Variants in KCNIP4 observed in about 807,000 individuals in gnomAD.
KCNIP4 encodes Kv channel-interacting protein 4.
Under a neutral mutation model 34.0 loss-of-function variants are expected in KCNIP4, and 12 were observed. The ratio of observed to expected loss-of-function variants is 0.35; its 90% CI spans 0.23 to 0.57. The LOEUF (loss-of-function observed/expected upper bound fraction) is 0.57, where lower values mean the gene tolerates loss of function less well. Among genes scored for constraint, KCNIP4 ranks in the 20% least tolerant of loss-of-function variants. KCNIP4 has a pLI of 0.83. For missense variants in KCNIP4, 238 were observed against 311.7 expected, an observed-to-expected ratio of 0.76 and a Z score of 1.78; for synonymous variants, 124 against 102.2, an observed-to-expected ratio of 1.21 and a Z score of -1.29.
At chr4:21,679,204 G>A (rs1455246185) in intron 1 of KCNIP4, among the ~76,000 whole-genome samples, 1 of 152,156 alleles carries the variant, frequency 6.6e-6, no homozygotes, top group African/African-American at 2.4e-5. Flanking sequence ...TTAAACAAAT[G>A]CACACTCTAA....
chr4:21,602,274 A>G (rs1445320526), intron 1 of KCNIP4, among the ~76,000 whole-genome samples: 2 of 152,168 alleles, frequency 1.3e-5, no homozygotes, highest in African/African-American at 2.4e-5. Context: ...AAACTGTTTC[A>G]TAACTATTTG....
At chr4:21,271,557 A>G (rs1762143878) in intron 1 of KCNIP4, among the ~76,000 whole-genome samples, 1 of 152,138 alleles carries the variant, frequency 6.6e-6, no homozygotes, top group African/African-American at 2.4e-5. Flanking sequence ...TGTTGTCCAA[A>G]GGTCTGATGG....
At chr4:21,545,881 T>A (rs563884679) in intron 1 of KCNIP4, among the ~76,000 whole-genome samples, 1 of 152,124 alleles carries the variant, frequency 6.6e-6, no homozygotes, top group Non-Finnish European at 1.5e-5. Flanking sequence ...TGATTTATAA[T>A]CTCTAAGGTA....
At position 21,514,948 on chromosome 4, in the gene KCNIP4, T is replaced by C. The variant is rs116585064; in HGVS notation, c.61+433623A>G. ...ACTCATTCATACTTTCTTACTTCTA[T>C]CCTAAACATGACCTATGAAGTCCAT... is the stretch of plus-strand genomic sequence containing the variant. On this transcript the variant is annotated intron_variant, in intron 1 of 8. Coordinates refer to ENST00000382152, the MANE Select transcript of KCNIP4 (RefSeq NM_025221.6). Among the ~76,000 whole-genome samples, 146 of 152,326 alleles carry C rather than the reference T, an allele frequency of 9.6e-4. 1 individual carries two copies. The highest frequency in any genetic ancestry group is 3.3e-3 in the African/African-American group (139 of 41,578).
At chr4:21,219,130 C>A (rs989002346) in intron 1 of KCNIP4, among the ~76,000 whole-genome samples, 1 of 152,128 alleles carries the variant, frequency 6.6e-6, no homozygotes, top group Non-Finnish European at 1.5e-5. Flanking sequence ...TGCAACCCAG[C>A]AAACCCAGCA....
At chr4:21,256,604 GA>G (rs974793143) in intron 1 of KCNIP4, among the ~76,000 whole-genome samples, 1 of 151,284 alleles carries the variant, frequency 6.6e-6, no homozygotes, top group African/African-American at 2.4e-5. Context: ...CTCAAGAAAA[GA>G]AAAAAAAGAG....
chr4:21,250,502 T>A (rs1198663467), intron 1 of KCNIP4, among the ~76,000 whole-genome samples: 11 of 152,188 alleles, frequency 7.2e-5, no homozygotes, highest in Non-Finnish European at 1.3e-4. Flanking sequence ...TGAATTTTCC[T>A]CTGGTTTTCC....
chr4:20,817,345 G>A (rs1193717819), intron 3 of KCNIP4, among the ~76,000 whole-genome samples: 4 of 152,058 alleles, frequency 2.6e-5, no homozygotes, highest in African/African-American at 4.8e-5. Flanking sequence ...CTCTGGCTCC[G>A]ATGTCCTTTT....
intron 1 of KCNIP4, among the ~76,000 whole-genome samples, chr4:21,875,453 G>A (rs113752644): frequency 7.9e-5 from 12 of 152,096 alleles, no homozygotes; most frequent in African/African-American, 2.2e-4. Context: ...GCTTTTCTAC[G>A]TTGAAATAGT....
At chr4:21,014,719 C>T (rs189495840) in intron 1 of KCNIP4, among the ~76,000 whole-genome samples, 8 of 152,272 alleles carry the variant, frequency 5.3e-5, no homozygotes, top group Admixed American at 5.2e-4. Context: ...GGGCCTCAAA[C>T]AGTTAAACGT....
At chr4:21,124,235 A>G (rs894477682) in intron 1 of KCNIP4, among the ~76,000 whole-genome samples, 1 of 152,174 alleles carries the variant, frequency 6.6e-6, no homozygotes, top group Non-Finnish European at 1.5e-5. Context: ...TACATTTATG[A>G]GAGAATGAGA....
intron 1 of KCNIP4, among the ~76,000 whole-genome samples, chr4:21,720,774 T>C (rs1352656292): frequency 2.6e-5 from 4 of 151,456 alleles, no homozygotes; most frequent in African/African-American, 9.7e-5. Flanking sequence ...CGGTGTTTGT[T>C]TTTTTGTCCT....
At chr4:21,773,052 T>G (rs1718910618) in intron 1 of KCNIP4, among the ~76,000 whole-genome samples, 2 of 152,186 alleles carry the variant, frequency 1.3e-5, no homozygotes, top group Non-Finnish European at 2.9e-5. Flanking sequence ...GATGTGGGTG[T>G]TTAGTGCTGT....
At chr4:21,016,487 G>A in intron 1 of KCNIP4, among the ~76,000 whole-genome samples, 1 of 151,942 alleles carries the variant, frequency 6.6e-6, no homozygotes, top group East Asian at 1.9e-4. Context: ...AGTAGAGATA[G>A]GGTTTCACCG....
At chr4:21,338,134 T>A (rs796146678) in intron 1 of KCNIP4, among the ~76,000 whole-genome samples, 1 of 152,024 alleles carries the variant, frequency 6.6e-6, no homozygotes, top group Non-Finnish European at 1.5e-5. Flanking sequence ...TCCCTCCCTT[T>A]GTAAGACTTT....
chr4:21,793,204 CA>C (rs1289106109), intron 1 of KCNIP4, among the ~76,000 whole-genome samples: 2 of 152,202 alleles, frequency 1.3e-5, no homozygotes, highest in African/African-American at 4.8e-5. Flanking sequence ...ATCAGTTCTT[CA>C]GGAGGAATTA....
chr4:20,799,926 T>C (rs1450033435), intron 3 of KCNIP4, among the ~76,000 whole-genome samples: 1 of 152,198 alleles, frequency 6.6e-6, no homozygotes, highest in Non-Finnish European at 1.5e-5. Context: ...GGGTTTAAGC[T>C]GCTAGAGTTT....
At chr4:21,810,623 G>C (rs539327806) in intron 1 of KCNIP4, among the ~76,000 whole-genome samples, 1 of 150,752 alleles carries the variant, frequency 6.6e-6, no homozygotes, top group Non-Finnish European at 1.5e-5. Flanking sequence ...CCGGGAGGCG[G>C]AGCCTGCAGT....
intron 1 of KCNIP4, among the ~76,000 whole-genome samples, chr4:21,690,445 G>T (rs1451540963): frequency 6.6e-6 from 1 of 152,032 alleles, no homozygotes; most frequent in Non-Finnish European, 1.5e-5. Flanking sequence ...TGAATGGCTT[G>T]GTGCCCTCCC....
Sources: allele counts gnomAD v4.1 joint callset (sites outside exome capture counted in the v4.1 genomes callset), GRCh38; gene constraint gnomAD v4.1.1; transcripts MANE v1.5; gene names NCBI Gene and HGNC (gene_info 2026-07-23, HGNC 2026-07-21).